Variants in GPD2 observed in about 807,000 individuals in gnomAD.
The protein encoded by GPD2 is glycerol-3-phosphate dehydrogenase 2.
In GPD2, 54 loss-of-function variants were observed where a neutral mutation model predicts 82.4. That is an observed-to-expected ratio of 0.66 (90% CI 0.53 to 0.82). The LOEUF is 0.82. Ranked by LOEUF, GPD2 falls within the 40% of genes least tolerant of loss-of-function variation. GPD2 has a pLI of 0.00. For missense variants in GPD2, 748 were observed against 896.2 expected (o/e 0.83, Z 2.11); for synonymous variants, 288 against 306.1 (o/e 0.94, Z 0.62).
At chr2:156,510,049 C>G (rs1684939483) in intron 3 of GPD2, among the ~76,000 whole-genome samples, 1 of 152,130 alleles carries the variant, frequency 6.6e-6, no homozygotes, top group Non-Finnish European at 1.5e-5. Flanking sequence ...TCTCAAAGTG[C>G]TGGGATTACA....
intron 2 of GPD2, among the ~76,000 whole-genome samples, chr2:156,495,216 G>T (rs192509137): frequency 6.6e-6 from 1 of 152,064 alleles, no homozygotes; most frequent in Admixed American, 6.6e-5. Flanking sequence ...AGGCTTGGTG[G>T]CGCACACCTG....
chr2:156,465,138 A>G (rs1254372620), intron 1 of GPD2, among the ~76,000 whole-genome samples: 1 of 152,180 alleles, frequency 6.6e-6, no homozygotes, highest in African/African-American at 2.4e-5. Flanking sequence ...GGCATGAGCC[A>G]CCGTGCCCGG....
chr2:156,412,298 G>C, the GPD2 span, among the ~76,000 whole-genome samples: 1 of 152,028 alleles, frequency 6.6e-6, no homozygotes, highest in Non-Finnish European at 1.5e-5. Context: ...AATTAGCCTG[G>C]CATGGTGGTG....
chr2:156,461,376 T>A (rs568259940), intron 1 of GPD2, among the ~76,000 whole-genome samples: 1 of 152,218 alleles, frequency 6.6e-6, no homozygotes, highest in African/African-American at 2.4e-5. Context: ...TGATTAAAAT[T>A]CTCCACTGAC....
rs1247248286 is a variant in GPD2, at chr2:156,476,150, A to G, written c.45A>G (p.Gly15=). The G allele has an allele frequency of 2.5e-6, 4 of 1,611,036 alleles. No homozygotes were observed. Among genetic ancestry groups the G allele is most frequent in the Non-Finnish European group, 3.4e-6 (4 of 1,177,260 alleles). The part of the protein sequence containing the change: ...KAVKGTILVG[G]GALATVLGLS... The stretch of plus-strand genomic sequence containing the variant: ...TGAAAGGGACGATTCTTGTTGGAGG[A>G]GGTGCTCTTGCAACTGTTTTAGGAC... The change falls in exon 2 of 17, where the codon GGA becomes GGG. Residue 15 remains glycine (G), a synonymous_variant. Transcript: ENST00000438166.
intron 3 of GPD2, among the ~76,000 whole-genome samples, chr2:156,505,333 T>C (rs1684749451): frequency 6.6e-6 from 1 of 152,172 alleles, no homozygotes; most frequent in Non-Finnish European, 1.5e-5. Context: ...CTTGTTATTC[T>C]GCCTAAGATT....
chr2:156,501,624 A>G (rs995951762), intron 3 of GPD2, among the ~76,000 whole-genome samples: 2 of 152,338 alleles, frequency 1.3e-5, no homozygotes, highest in Middle Eastern at 3.4e-3. Flanking sequence ...CCCATCCACC[A>G]TGAAGGTAGG....
rs1205868322 is a variant in GPD2 at position 156,586,037 on chromosome 2, T to C, written c.*3119T>C. On this transcript the variant is annotated 3_prime_UTR_variant, in exon 17 of 17. Transcript: ENST00000438166. Reference sequence around the variant, plus strand: ...TTTTATGGCCATTATTTATTACTTTTGATACACAGAATGAGCTGCATGCAT... The same window carrying C: ...TTTTATGGCCATTATTTATTACTTTCGATACACAGAATGAGCTGCATGCAT... The C allele has an allele frequency of 1.3e-5, 2 of 152,416 alleles. No homozygotes were observed. The highest frequency in any genetic ancestry group is 2.9e-5 in the Non-Finnish European group (2 of 67,944). The allele number at this position is 152,416 out of a possible 1,614,324, so 9.4% of individuals were successfully genotyped here. A position where few individuals can be genotyped will look rare whatever the true frequency, so the allele number is the denominator to read the frequency against.
chr2:156,494,786 T>C (rs1338174718), intron 2 of GPD2, among the ~76,000 whole-genome samples: 1 of 152,194 alleles, frequency 6.6e-6, no homozygotes, highest in Non-Finnish European at 1.5e-5. Flanking sequence ...CACATATCTG[T>C]GGAATACTAA....
Position 156,498,575 on chromosome 2 carries a change from T to C in GPD2, c.274+2360T>C, listed in dbSNP as rs955199101. ...TTGAGGCTATATATGAGAGAACACATGAGAGAAGAGTGGAAAGGCAGGGCT... is the reference window on the plus strand; with the variant it reads ...TTGAGGCTATATATGAGAGAACACACGAGAGAAGAGTGGAAAGGCAGGGCT... On this transcript the variant is annotated intron_variant, in intron 3 of 16. Transcript: ENST00000438166. Among the ~76,000 whole-genome samples, 4 of 152,120 alleles carry C rather than the reference T, an allele frequency of 2.6e-5. No individual in the cohort carries two copies. In the South Asian group the frequency reaches 8.3e-4, roughly 31 times the overall value.
At chr2:156,421,523 A>C in the GPD2 span, among the ~76,000 whole-genome samples, 1 of 152,212 alleles carries the variant, frequency 6.6e-6, no homozygotes, top group Non-Finnish European at 1.5e-5. Flanking sequence ...GCGTGTTAAC[A>C]TTTTAGGTGC....
In GPD2 at chr2:156,455,892, T is replaced by C. The variant is rs180909445; in HGVS notation, c.-9+19379T>C. 3.6e-3 allele frequency among the ~76,000 whole-genome samples: 547 copies of C among 152,360 alleles called. 3 individuals carry two copies. Among genetic ancestry groups the C allele is most frequent in the African/African-American group, 0.013 (523 of 41,586 alleles). ...GTTTGTTGAGTAAATGAAAACTCACTGCATATTTGAGTTTCCATATTGCCT... is the reference window on the plus strand; with the variant it reads ...GTTTGTTGAGTAAATGAAAACTCACCGCATATTTGAGTTTCCATATTGCCT... On this transcript the variant is annotated intron_variant, in intron 1 of 16. Transcript: ENST00000438166.
intron 6 of GPD2, among the ~76,000 whole-genome samples, chr2:156,543,253 T>A (rs925577709): frequency 6.6e-6 from 1 of 152,204 alleles, no homozygotes; most frequent in Non-Finnish European, 1.5e-5. Flanking sequence ...GGTTGGGGAC[T>A]GTTCTTAGAC....
the GPD2 span, among the ~76,000 whole-genome samples, chr2:156,429,200 G>C: frequency 2.0e-5 from 3 of 152,066 alleles, no homozygotes; most frequent in African/African-American, 7.2e-5. Context: ...TTCAGATGTG[G>C]GACTGAACAA....
chr2:156,408,185 G>C, the GPD2 span, among the ~76,000 whole-genome samples: 2 of 151,788 alleles, frequency 1.3e-5, no homozygotes, highest in African/African-American at 4.8e-5. Flanking sequence ...GAACTCCTGG[G>C]CTCCAGTAAT....
chr2:156,488,268 A>G (rs1225942649), intron 2 of GPD2, among the ~76,000 whole-genome samples: 1 of 152,226 alleles, frequency 6.6e-6, no homozygotes, highest in Non-Finnish European at 1.5e-5. Flanking sequence ...GAAGTGAATA[A>G]AGGCCTTTAA....
At chr2:156,511,740 C>T (rs1685004397) in intron 4 of GPD2, among the ~76,000 whole-genome samples, 1 of 152,096 alleles carries the variant, frequency 6.6e-6, no homozygotes, top group South Asian at 2.1e-4. Context: ...TTTAGAGAGG[C>T]GTAATGAGGA....
intron 1 of GPD2, among the ~76,000 whole-genome samples, chr2:156,459,709 A>AAAAG (rs1682922799): frequency 6.8e-6 from 1 of 147,840 alleles, no homozygotes; most frequent in Non-Finnish European, 1.5e-5. Flanking sequence ...AAAAAAAAAA[A>AAAAG]GAAAGAAAAA....
chr2:156,477,129 A>G (rs968265091), intron 2 of GPD2, among the ~76,000 whole-genome samples: 6 of 152,186 alleles, frequency 3.9e-5, no homozygotes, highest in Admixed American at 3.9e-4. Context: ...AATGAGGATC[A>G]CTTTAAAAAC....
Sources: gnomAD v4.1 joint callset for allele counts (sites outside exome capture counted in the v4.1 genomes callset) on GRCh38, gnomAD v4.1.1 for gene constraint, MANE v1.5 for transcripts, NCBI Gene and HGNC (gene_info 2026-07-23, HGNC 2026-07-21) for gene names.